The following COL4A4 variants were observed in gnomAD, a reference collection of about 807,000 sequenced individuals.
The protein encoded by COL4A4 is collagen type IV alpha 4 chain.
Under a neutral mutation model 192.9 loss-of-function variants are expected in COL4A4, and 105 were observed. The ratio of observed to expected loss-of-function variants is 0.54; its 90% CI spans 0.46 to 0.64. The LOEUF is 0.64. Ranked by LOEUF, COL4A4 falls within the 30% of genes least tolerant of loss-of-function variation. The pLI is 0.00. For synonymous variants in COL4A4, 762 were observed against 769.9 expected, an observed-to-expected ratio of 0.99 and a Z score of 0.17; for missense variants, 1,967 against 2,169.3, an observed-to-expected ratio of 0.91 and a Z score of 1.85.
the COL4A4 span, among the ~76,000 whole-genome samples, chr2:226,967,636 G>A: frequency 7.4e-5 from 11 of 148,340 alleles, no homozygotes; most frequent in African/African-American, 2.5e-4. Context: ...TCTACAACTC[G>A]TTGTAGAAGT....
chr2:227,101,674 T>C (rs991124365), intron 16 of COL4A4, 117 bp from the exon 17 acceptor site: 122 of 1,123,150 alleles, frequency 1.1e-4, no homozygotes, highest in Non-Finnish European at 1.5e-4. Flanking sequence ...GTCTTAACAC[T>C]GTTCATCAGT....
At chr2:227,083,713 G>A (rs937987746) in intron 22 of COL4A4, among the ~76,000 whole-genome samples, 7 of 152,214 alleles carry the variant, frequency 4.6e-5, no homozygotes, top group African/African-American at 9.7e-5. Flanking sequence ...CTCTGAAAGT[G>A]TTGAGGCTAC....
the COL4A4 span, among the ~76,000 whole-genome samples, chr2:226,974,562 C>A: frequency 0.49 from 74,988 of 152,028 alleles, 19,357 homozygotes; most frequent in African/African-American, 0.66. Flanking sequence ...TTAGTCCTGA[C>A]TGTCAAGGTA....
At chr2:227,101,638 C>T (rs1016679180) in intron 16 of COL4A4, 81 bp from the exon 17 acceptor site, 1 of 1,341,802 alleles carries the variant, frequency 7.5e-7, no homozygotes, top group South Asian at 1.2e-5. Context: ...ATTTAAGCAA[C>T]ACATTGCCCA....
At chr2:227,117,241 G>C (rs2061535818) in intron 7 of COL4A4, among the ~76,000 whole-genome samples, 1 of 152,156 alleles carries the variant, frequency 6.6e-6, no homozygotes, top group Non-Finnish European at 1.5e-5. Flanking sequence ...ACAAACTTCA[G>C]GATTGTGGCT....
chr2:227,079,645 G>C (rs1442670300), intron 24 of COL4A4, among the ~76,000 whole-genome samples: 1 of 152,174 alleles, frequency 6.6e-6, no homozygotes, highest in Non-Finnish European at 1.5e-5. Context: ...GAAATAGCAT[G>C]CACTTTGAAA....
the COL4A4 span, among the ~76,000 whole-genome samples, chr2:226,985,115 C>T: frequency 6.6e-6 from 1 of 152,140 alleles, no homozygotes; most frequent in African/African-American, 2.4e-5. Context: ...TTTATCTCCT[C>T]TGATTTGGAG....
intron 43 of COL4A4, 88 bp downstream of exon 43, chr2:227,025,714 G>T: frequency 6.8e-6 from 8 of 1,181,196 alleles, no homozygotes; most frequent in Middle Eastern, 2.0e-4. Flanking sequence ...ACAAAGTTTA[G>T]CTCACACATA....
intron 44 of COL4A4, among the ~76,000 whole-genome samples, chr2:227,016,266 C>G (rs59977754): frequency 6.6e-6 from 1 of 152,194 alleles, no homozygotes; most frequent in Middle Eastern, 3.4e-3. Context: ...GTTGAGAAAC[C>G]GCTCCACACA....
chr2:226,972,174 C>T, the COL4A4 span, among the ~76,000 whole-genome samples: 537 of 152,208 alleles, frequency 3.5e-3, 7 homozygotes, highest in Non-Finnish European at 3.9e-3. Flanking sequence ...TGAGAACATG[C>T]GGTGTTTGGT....
chr2:227,008,481 G>GCCCTCATC (rs1962725334), intron 46 of COL4A4, among the ~76,000 whole-genome samples, 177 bp from the exon 47 acceptor site: 1 of 152,146 alleles, frequency 6.6e-6, no homozygotes, highest in African/African-American at 2.4e-5. Context: ...CTGTGGGCCA[G>GCCCTCATC]CCCTCATCCC....
At chr2:227,140,318 C>A in intron 3 of COL4A4, 80 bp from the exon 4 acceptor site, 1 of 1,209,298 alleles carries the variant, frequency 8.3e-7, no homozygotes, top group Non-Finnish European at 1.2e-6. Context: ...ATAACAAGCA[C>A]TCTTGGTTTA....
intron 20 of COL4A4, among the ~76,000 whole-genome samples, chr2:227,092,090 T>C (rs1340183158): frequency 6.6e-6 from 1 of 152,000 alleles, no homozygotes; most frequent in Non-Finnish European, 1.5e-5. Flanking sequence ...TCCTATGAGC[T>C]TCCAGAAAGG....
intron 4 of COL4A4, among the ~76,000 whole-genome samples, chr2:227,126,232 C>T (rs2062079129): frequency 6.6e-6 from 1 of 152,170 alleles, no homozygotes; most frequent in African/African-American, 2.4e-5. Flanking sequence ...AGATACTATG[C>T]AATTTCGTAT....
chr2:227,114,442 T>C, intron 8 of COL4A4, 186 bp downstream of exon 8: 1 of 694,064 alleles, frequency 1.4e-6, no homozygotes, highest in Non-Finnish European at 2.7e-6. Context: ...AGTGCTGGAA[T>C]TTTACTGGCG....
chr2:227,095,622 C>T (rs765183667), intron 19 of COL4A4, among the ~76,000 whole-genome samples: 8 of 152,186 alleles, frequency 5.3e-5, no homozygotes, highest in Non-Finnish European at 1.0e-4. Context: ...TGGCCAGGCC[C>T]GGTGGCTCAC....
intron 25 of COL4A4, among the ~76,000 whole-genome samples, chr2:227,074,443 A>G (rs948919620): frequency 6.6e-6 from 1 of 152,104 alleles, no homozygotes; most frequent in Non-Finnish European, 1.5e-5. Context: ...CACTTATACA[A>G]TGCTGATGGA....
At position 227,022,076 on chromosome 2, in the gene COL4A4, G is replaced by A. The variant is rs756525075; in HGVS notation, c.4188C>T (p.Leu1396=). 1.2e-6 allele frequency: 2 copies of A among 1,614,068 alleles called. No homozygotes were observed. Reference sequence around the variant, plus strand: ...GTCCTGAGGGGCCTCTCATTCCAGGGAGCCCCATGGCTCCTTCTGGTCCTC... The same window carrying A: ...GTCCTGAGGGGCCTCTCATTCCAGGAAGCCCCATGGCTCCTTCTGGTCCTC... The part of the protein sequence containing the change: ...GMRGPEGAMG[L]PGMRGPSGPG... Residue 1396 remains leucine, a synonymous_variant, in exon 44 of 48, where the codon CTC becomes CTT. Transcript: ENST00000396625.
At chr2:227,132,399 G>A (rs2062536320) in intron 4 of COL4A4, among the ~76,000 whole-genome samples, 1 of 152,170 alleles carries the variant, frequency 6.6e-6, no homozygotes, top group Non-Finnish European at 1.5e-5. Context: ...TTGGATGCCT[G>A]GCATGTGGCA....
Sources: gnomAD v4.1 joint callset for allele counts (sites outside exome capture counted in the v4.1 genomes callset) on GRCh38, gnomAD v4.1.1 for gene constraint, MANE v1.5 for transcripts, NCBI Gene and HGNC (gene_info 2026-07-23, HGNC 2026-07-21) for gene names.